The following IQCJ variants were observed in gnomAD, a reference collection of about 807,000 sequenced individuals.
IQCJ encodes IQ domain-containing protein J.
IQCJ carries 9 observed loss-of-function variants against 11.0 expected under a neutral mutation model. The observed-to-expected ratio is 0.82, with a 90% CI of 0.49 to 1.43. The LOEUF is 1.43. IQCJ is among the 40% of genes most tolerant of loss of function. The probability of loss-of-function intolerance (pLI) is 0.00; values close to 1 mark genes in which losing one functional copy is unlikely to be tolerated. For missense variants in IQCJ, 146 were observed against 133.2 expected, an observed-to-expected ratio of 1.10 and a Z score of -0.47; for synonymous variants, 55 against 51.3, an observed-to-expected ratio of 1.07 and a Z score of -0.31.
At chr3:159,202,855 G>A (rs985721404) in intron 1 of IQCJ, among the ~76,000 whole-genome samples, 2 of 152,072 alleles carry the variant, frequency 1.3e-5, no homozygotes, top group Admixed American at 6.5e-5. Context: ...TGGGTCTGTA[G>A]AACATAATTT....
chr3:159,161,215 G>A (rs754840947), intron 1 of IQCJ, among the ~76,000 whole-genome samples: 12 of 152,160 alleles, frequency 7.9e-5, no homozygotes, highest in Admixed American at 3.9e-4. Context: ...TTTAATGATT[G>A]CCATTGTAAC....
At chr3:159,242,860 C>G (rs1279237041) in intron 1 of IQCJ, among the ~76,000 whole-genome samples, 7 of 152,004 alleles carry the variant, frequency 4.6e-5, no homozygotes, top group Non-Finnish European at 1.0e-4. Flanking sequence ...AAAAGATTTG[C>G]TTGTCAAAAT....
intron 1 of IQCJ, among the ~76,000 whole-genome samples, chr3:159,091,304 C>T (rs1371581856): frequency 6.6e-6 from 1 of 151,772 alleles, no homozygotes; most frequent in African/African-American, 2.4e-5. Flanking sequence ...GTTCTGCAGG[C>T]TAGAAGTCCA....
At chr3:159,245,674 G>C (rs960667091) in intron 1 of IQCJ, among the ~76,000 whole-genome samples, 169 bp from the exon 2 acceptor site, 7 of 152,140 alleles carry the variant, frequency 4.6e-5, no homozygotes, top group African/African-American at 1.7e-4. Context: ...GTGTTAGCCA[G>C]GATGGTCTCG....
intron 1 of IQCJ, among the ~76,000 whole-genome samples, chr3:159,180,405 A>T (rs897296219): frequency 6.6e-6 from 1 of 152,080 alleles, no homozygotes; most frequent in Admixed American, 6.5e-5. Context: ...CTGCCTCAGG[A>T]TGTCCTTTTT....
chr3:159,197,960 CTG>C (rs1724088100), intron 1 of IQCJ, among the ~76,000 whole-genome samples: 1 of 152,056 alleles, frequency 6.6e-6, no homozygotes, highest in African/African-American at 2.4e-5. Flanking sequence ...TGCCCATGGG[CTG>C]ATGTGTTCTG....
chr3:159,112,483 A>G (rs1434091843), intron 1 of IQCJ, among the ~76,000 whole-genome samples: 1 of 152,218 alleles, frequency 6.6e-6, no homozygotes, highest in Non-Finnish European at 1.5e-5. Flanking sequence ...CACTTAACCT[A>G]GACCTTTGGA....
At chr3:159,081,984 A>G (rs1464719200) in intron 1 of IQCJ, among the ~76,000 whole-genome samples, 1 of 152,148 alleles carries the variant, frequency 6.6e-6, no homozygotes, top group Non-Finnish European at 1.5e-5. Context: ...ATTAACTGCC[A>G]AAATAATTAG....
At chr3:159,169,426 C>T (rs1317597423) in intron 1 of IQCJ, among the ~76,000 whole-genome samples, 1 of 151,612 alleles carries the variant, frequency 6.6e-6, no homozygotes, top group Non-Finnish European at 1.5e-5. Context: ...GCTGGGATTA[C>T]AGGCACATGC....
chr3:159,151,881 A>C (rs533059381), intron 1 of IQCJ, among the ~76,000 whole-genome samples: 2 of 152,192 alleles, frequency 1.3e-5, no homozygotes, highest in Non-Finnish European at 2.9e-5. Context: ...TGATCCGCCC[A>C]CCTTGGCCTC....
chr3:159,217,626 C>T (rs941824751), intron 1 of IQCJ, among the ~76,000 whole-genome samples: 1 of 152,158 alleles, frequency 6.6e-6, no homozygotes, highest in African/African-American at 2.4e-5. Flanking sequence ...CTGTACATAT[C>T]TTGTCCTTCC....
intron 1 of IQCJ, chr3:159,069,848 T>TA: frequency 7.7e-6 from 1 of 129,622 alleles, no homozygotes; most frequent in Non-Finnish European, 1.4e-5. Flanking sequence ...CTTTCTTGTG[T>TA]GTGTGTGTGT....
intron 1 of IQCJ, among the ~76,000 whole-genome samples, chr3:159,121,516 A>G (rs1332088374): frequency 6.6e-6 from 1 of 152,110 alleles, no homozygotes; most frequent in Non-Finnish European, 1.5e-5. Context: ...ATAATTCAGA[A>G]ATTTCAGTCT....
Position 159,200,104 on chromosome 3 carries a change from A to AATAAATATATATATATATATATATAT in IQCJ, c.10-45736_10-45735insAATATATATATATATATATATATATA, listed in dbSNP as rs1553787480. ...ATATGTATGTATGTGTTTATACATA[A>AATAAATATATATATATATATATATAT]ATATATATATATATATCACTTTGAA... On this transcript the variant is annotated intron_variant, in intron 1 of 3. Transcript: ENST00000397832. 1.7e-4 allele frequency among the ~76,000 whole-genome samples: 20 copies of AATAAATATATATATATATATATATAT among 116,950 alleles called. 1 individual carries two copies. Among genetic ancestry groups the AATAAATATATATATATATATATATAT allele is most frequent in the African/African-American group, 7.2e-4 (19 of 26,392 alleles). The allele number at this position is 116,950 out of a possible 152,430, so 76.7% of individuals were successfully genotyped here. A position where few individuals can be genotyped will look rare whatever the true frequency, so the allele number is the denominator to read the frequency against.
At chr3:159,205,117 G>A (rs1724574859) in intron 1 of IQCJ, among the ~76,000 whole-genome samples, 1 of 152,170 alleles carries the variant, frequency 6.6e-6, no homozygotes, top group African/African-American at 2.4e-5. Flanking sequence ...GAATTCCCAA[G>A]AGATTCTCAC....
chr3:159,112,498 T>C (rs1006751104), intron 1 of IQCJ, among the ~76,000 whole-genome samples: 1 of 152,176 alleles, frequency 6.6e-6, no homozygotes, highest in Non-Finnish European at 1.5e-5. Context: ...TTTGGACATA[T>C]AGAACTAATA....
intron 1 of IQCJ, among the ~76,000 whole-genome samples, chr3:159,105,040 A>G (rs966896524): frequency 3.3e-5 from 5 of 152,208 alleles, no homozygotes; most frequent in African/African-American, 1.2e-4. Flanking sequence ...TGTTGATTGA[A>G]TAAACAAATG....
chr3:159,174,025 G>C (rs115095510), intron 1 of IQCJ, among the ~76,000 whole-genome samples: 3 of 151,946 alleles, frequency 2.0e-5, no homozygotes, highest in Non-Finnish European at 4.4e-5. Flanking sequence ...GAGTTTCTCA[G>C]TTGTAGCTTT....
At chr3:159,254,081 A>G (rs1727758375) in intron 3 of IQCJ, among the ~76,000 whole-genome samples, 1 of 152,204 alleles carries the variant, frequency 6.6e-6, no homozygotes, top group Admixed American at 6.5e-5. Context: ...TTGTGTAAGC[A>G]GTGTGTCAGC....
Sources: allele counts gnomAD v4.1 joint callset (sites outside exome capture counted in the v4.1 genomes callset), GRCh38; gene constraint gnomAD v4.1.1; transcripts MANE v1.5; gene names NCBI Gene and HGNC (gene_info 2026-07-23, HGNC 2026-07-21).